The following MAML2 variants were observed in gnomAD, a reference collection of about 807,000 sequenced individuals.
MAML2 encodes mastermind-like protein 2.
A neutral mutation model predicts 96.1 loss-of-function variants in MAML2; 22 were observed. That is an observed-to-expected ratio of 0.23 (90% CI 0.16 to 0.33). The LOEUF (loss-of-function observed/expected upper bound fraction) is 0.33. MAML2 is among the 10% of genes least tolerant of loss of function. MAML2 has a pLI of 1.00. For missense variants in MAML2, 1,367 were observed against 1,392.4 expected, an observed-to-expected ratio of 0.98 and a Z score of 0.29; for synonymous variants, 561 against 521.3, an observed-to-expected ratio of 1.08 and a Z score of -1.04.
At chr11:96,014,106 A>G (rs1858306937) in intron 2 of MAML2, among the ~76,000 whole-genome samples, 1 of 152,188 alleles carries the variant, frequency 6.6e-6, no homozygotes, top group African/African-American at 2.4e-5. Context: ...AGGTTTGATC[A>G]GCGGGGCACT....
At chr11:96,073,161 C>T (rs181435514) in intron 2 of MAML2, among the ~76,000 whole-genome samples, 3 of 152,114 alleles carry the variant, frequency 2.0e-5, no homozygotes, top group African/African-American at 7.2e-5. Flanking sequence ...GTATTACATT[C>T]TTTGTGCTGT....
chr11:96,254,421 T>C (rs1421862787), intron 1 of MAML2, among the ~76,000 whole-genome samples: 1 of 150,130 alleles, frequency 6.7e-6, no homozygotes, highest in African/African-American at 2.5e-5. Flanking sequence ...ACATGTAAGC[T>C]TGCTGTGGCT....
intron 1 of MAML2, among the ~76,000 whole-genome samples, chr11:96,318,143 G>A (rs909243988): frequency 6.6e-6 from 1 of 152,202 alleles, no homozygotes; most frequent in African/African-American, 2.4e-5. Context: ...TTAGAATAAA[G>A]AAAGGGCAGA....
rs1213202630 is a variant in MAML2 at position 95,977,308 on chromosome 11, G to A, written c.*1640C>T. 1 of 185,554 alleles carries A rather than the reference G, an allele frequency of 5.4e-6. No homozygotes were observed. The highest frequency in any genetic ancestry group is 8.8e-5 in the East Asian group (1 of 11,428). 11.5% of individuals were successfully genotyped at this position (185,554 alleles called of 1,614,324 possible). A position where few individuals can be genotyped will look rare whatever the true frequency, so the allele number is the denominator to read the frequency against. ...TTCTTTACAAAAGTTTACAAAACAA[G>A]TAATTTATTTATATTTACAAACTAG... On this transcript the variant is annotated 3_prime_UTR_variant, in exon 5 of 5. Coordinates refer to ENST00000524717, the MANE Select transcript of MAML2 (RefSeq NM_032427.4).
intron 2 of MAML2, among the ~76,000 whole-genome samples, chr11:96,074,037 A>G (rs1859392712): frequency 6.6e-6 from 1 of 151,892 alleles, no homozygotes. Context: ...TTCAGGCTAA[A>G]AAATATTTTT....
intron 1 of MAML2, among the ~76,000 whole-genome samples, chr11:96,292,172 C>T (rs1291423066): frequency 2.0e-5 from 3 of 152,176 alleles, no homozygotes; most frequent in Non-Finnish European, 4.4e-5. Context: ...CCTCCCTCTT[C>T]TAGTAATCAT....
intron 2 of MAML2, among the ~76,000 whole-genome samples, chr11:96,001,073 A>G (rs1858071571): frequency 6.6e-6 from 1 of 152,212 alleles, no homozygotes; most frequent in South Asian, 2.1e-4. Flanking sequence ...CCGTGCAGAG[A>G]AACCCCAATC....
chr11:96,158,828 C>A lies in MAML2; in HGVS notation c.514-65311G>T, dbSNP rs114166339. On this transcript the variant is annotated intron_variant, in intron 1 of 4. Coordinates refer to ENST00000524717, the MANE Select transcript of MAML2 (RefSeq NM_032427.4). ...ATAAGGCTTCATCGTCCCAGACTTA[C>A]CTTTCAGGAAAGGACATAAAATCTA... Among the ~76,000 whole-genome samples the A allele has an allele frequency of 6.9e-3, 1,043 of 152,216 alleles. 17 individuals are homozygous for A. The highest frequency in any genetic ancestry group is 0.023 in the African/African-American group (950 of 41,522).
intron 2 of MAML2, among the ~76,000 whole-genome samples, chr11:96,039,354 C>T (rs1183162599): frequency 1.0e-5 from 1 of 96,020 alleles, no homozygotes; most frequent in Non-Finnish European, 2.0e-5. Flanking sequence ...AGAGAGGAGA[C>T]AGGAGAGGGG....
intron 1 of MAML2, among the ~76,000 whole-genome samples, chr11:96,286,884 T>A (rs998821468): frequency 6.6e-6 from 1 of 152,232 alleles, no homozygotes; most frequent in African/African-American, 2.4e-5. Context: ...TTTAAACTTA[T>A]ATTTACATGG....
chr11:96,216,714 C>A (rs534443424), intron 1 of MAML2, among the ~76,000 whole-genome samples: 1 of 152,244 alleles, frequency 6.6e-6, no homozygotes, highest in African/African-American at 2.4e-5. Context: ...AGGAAGCGTG[C>A]AGCCCATTGA....
chr11:96,065,538 T>G (rs145145681), intron 2 of MAML2, among the ~76,000 whole-genome samples: 97 of 152,290 alleles, frequency 6.4e-4, no homozygotes, highest in African/African-American at 2.1e-3. Context: ...AGAATCATGA[T>G]TCATTCCATA....
intron 2 of MAML2, among the ~76,000 whole-genome samples, chr11:96,043,978 G>T (rs548716313): frequency 2.0e-5 from 3 of 152,244 alleles, no homozygotes; most frequent in Admixed American, 6.5e-5. Context: ...TGTCAATCAG[G>T]TGAGTAATGG....
chr11:96,341,361 C>A (rs1452904500), intron 1 of MAML2, 22 bp downstream of exon 1: 1 of 1,499,346 alleles, frequency 6.7e-7, no homozygotes, highest in Non-Finnish European at 8.9e-7. Context: ...CAGCCAGAAC[C>A]ATGAGAAAGC....
At chr11:96,200,148 T>G (rs1330238872) in intron 1 of MAML2, among the ~76,000 whole-genome samples, 1 of 152,178 alleles carries the variant, frequency 6.6e-6, no homozygotes. Flanking sequence ...AGAACCTTAG[T>G]CCGAACAGAT....
intron 1 of MAML2, among the ~76,000 whole-genome samples, chr11:96,337,586 T>A (rs1863936392): frequency 6.6e-6 from 1 of 152,226 alleles, no homozygotes. Flanking sequence ...TTCATAGCAT[T>A]GCACTAGGAT....
At position 95,979,777 on chromosome 11, in the gene MAML2, T is replaced by C. The variant is rs1221793692; in HGVS notation, c.2642A>G (p.Tyr881Cys). 1 of 1,613,954 alleles carries C rather than the reference T, an allele frequency of 6.2e-7. No homozygotes were observed. The highest frequency in any genetic ancestry group is 8.5e-7 in the Non-Finnish European group (1 of 1,179,864). Reference sequence around the variant, plus strand: ...TTGATTCATTCCTGAAGTGACACTGTATGTGTTAGGTTGATTACAAGGCAG... The same window carrying C: ...TTGATTCATTCCTGAAGTGACACTGCATGTGTTAGGTTGATTACAAGGCAG... ...GNLPCNQPNT[Y>C]SVTSGMNQLT... Residue 881 changes from tyrosine to cysteine, a missense_variant, in exon 5 of 5, where the codon TAC becomes TGC. Coordinates refer to ENST00000524717, the MANE Select transcript of MAML2 (RefSeq NM_032427.4).
At chr11:96,065,154 T>C (rs1188332445) in intron 2 of MAML2, among the ~76,000 whole-genome samples, 1 of 152,246 alleles carries the variant, frequency 6.6e-6, no homozygotes, top group Non-Finnish European at 1.5e-5. Flanking sequence ...ATATATCTGA[T>C]AGATTTTAAA....
intron 1 of MAML2, among the ~76,000 whole-genome samples, chr11:96,138,419 A>G (rs1860672776): frequency 1.3e-5 from 2 of 152,156 alleles, no homozygotes; most frequent in Non-Finnish European, 2.9e-5. Context: ...TATTTATGCC[A>G]TCTGTAAAAG....
Sources: gnomAD v4.1 joint callset for allele counts (sites outside exome capture counted in the v4.1 genomes callset) on GRCh38, gnomAD v4.1.1 for gene constraint, MANE v1.5 for transcripts, NCBI Gene and HGNC (gene_info 2026-07-23, HGNC 2026-07-21) for gene names.